Variants in ZWINT observed in about 807,000 individuals in gnomAD.
ZWINT encodes the protein outer kinetochore KNL1 complex subunit ZWINT.
Under a neutral mutation model 41.5 loss-of-function variants are expected in ZWINT, and 41 were observed. The ratio of observed to expected loss-of-function variants is 0.99; its 90% confidence interval spans 0.77 to 1.28. The LOEUF (loss-of-function observed/expected upper bound fraction) is 1.28, where lower values mean the gene tolerates loss of function less well. Among genes scored for constraint, ZWINT ranks in the 50% most tolerant of loss-of-function variants. The pLI, the probability that ZWINT is intolerant of heterozygous loss-of-function variation, is 0.00. For missense variants in ZWINT, 369 were observed against 329.7 expected (o/e 1.12, Z -0.92); for synonymous variants, 132 against 126.8 (o/e 1.04, Z -0.28).
rs1484073037 is a variant in ZWINT at position 56,358,555 on chromosome 10, C to T, written c.792+1G>A. The T allele has an allele frequency of 6.2e-7, 1 of 1,613,970 alleles. No homozygotes were observed. The highest frequency in any genetic ancestry group is 1.1e-5 in the South Asian group (1 of 91,062). Reference sequence around the variant, plus strand: ...GCCCACCTGTTCCATCTCTCATTTACCTTGAAGGACACACCAGGGTCTCTC... The same window carrying T: ...GCCCACCTGTTCCATCTCTCATTTATCTTGAAGGACACACCAGGGTCTCTC... On this transcript the variant is annotated splice_donor_variant, in intron 7 of 8. Coordinates refer to ENST00000373944, the MANE Select transcript of ZWINT (RefSeq NM_007057.4). LOFTEE classifies it high-confidence loss of function.
Position 56,358,178 on chromosome 10 carries a change from T to G in ZWINT, c.*49A>C, listed in dbSNP as rs1395735201. ...AATGATGGTTGGGAGGTGAGGGAAGTCAGAGGCCTGGGGAAGAAGACAGGG... is the reference window on the plus strand; with the variant it reads ...AATGATGGTTGGGAGGTGAGGGAAGGCAGAGGCCTGGGGAAGAAGACAGGG... On this transcript the variant is annotated 3_prime_UTR_variant, in exon 9 of 9. Coordinates refer to ENST00000373944, the MANE Select transcript of ZWINT (RefSeq NM_007057.4). The G allele has an allele frequency of 1.3e-6, 1 of 748,024 alleles. No homozygotes were observed. The highest frequency in any genetic ancestry group is 2.6e-5 in the East Asian group (1 of 38,382). The allele number at this position is 748,024 out of a possible 1,614,324, so 46.3% of individuals were successfully genotyped here. A position where few individuals can be genotyped will look rare whatever the true frequency, so the allele number is the denominator to read the frequency against.
At position 56,357,512 on chromosome 10, in the gene ZWINT, G is replaced by C. The variant is rs180800196; in HGVS notation, c.*715C>G. 16 of 152,856 alleles carry C rather than the reference G, an allele frequency of 1.0e-4. No homozygotes were observed. Among genetic ancestry groups the C allele is most frequent in the African/African-American group, 3.4e-4 (14 of 41,556 alleles). 9.5% of individuals were successfully genotyped at this position (152,856 alleles called of 1,614,324 possible). On this transcript the variant is annotated 3_prime_UTR_variant, in exon 9 of 9. Coordinates refer to ENST00000373944, the MANE Select transcript of ZWINT (RefSeq NM_007057.4). ...TACGTGAGTTGATCATCTGATAAAA[G>C]TAAGAGTTGACAAAAAAGGTACATC...
Position 56,360,352 on chromosome 10 carries a change from G to T in ZWINT, c.73C>A (p.Pro25Thr). ...VLAEVAGILEPVGLQEEAELP... is the reference protein window; with the variant it reads ...VLAEVAGILETVGLQEEAELP... ...TCTGCCTCCTCCTGCAGGCCTACAG[G>T]TTCCAAGATGCCTGCCACCTCAGCC... Residue 25 changes from proline (P) to threonine (T), a missense_variant, in exon 2 of 9, where the codon CCT becomes ACT. Pro to Thr is a conservative substitution (Grantham distance 38). Transcript: ENST00000373944. 6.8e-6 allele frequency: 11 copies of T among 1,614,178 alleles called. No individual in the cohort carries two copies. The highest frequency in any genetic ancestry group is 9.3e-6 in the Non-Finnish European group (11 of 1,180,036).
Position 56,357,352 on chromosome 10 carries a change from G to T in ZWINT, c.*875C>A, listed in dbSNP as rs1206853420. ...ATAGAAGACCAAATTATTTTTCAAA[G>T]AAATTTATGAATCAATGAAATAATT... On this transcript the variant is annotated 3_prime_UTR_variant, in exon 9 of 9. Transcript: ENST00000373944. 6.6e-6 allele frequency: 1 copy of T among 151,982 alleles called. No homozygotes were observed. Among genetic ancestry groups the T allele is most frequent in the Admixed American group, 6.5e-5 (1 of 15,270 alleles). 9.4% of individuals were successfully genotyped at this position (151,982 alleles called of 1,614,324 possible).
chr10:56,360,528 C>G, intron 1 of ZWINT, 145 bp from the exon 2 acceptor site: 1 of 702,668 alleles, frequency 1.4e-6, no homozygotes, highest in East Asian at 2.7e-5. Context: ...ACACAAGGGC[C>G]TGAAGGGTCC....
chr10:56,358,270 C>T lies in ZWINT; in HGVS notation c.*42-85G>A. Reference sequence around the variant, plus strand: ...TAAGCTCTTTCCTGTTCCCACCATCCATCTGCTCCATGGGTAGCAGAGCTC... The same window carrying T: ...TAAGCTCTTTCCTGTTCCCACCATCTATCTGCTCCATGGGTAGCAGAGCTC... On this transcript the variant is annotated intron_variant, in intron 8 of 8. Transcript: ENST00000373944. 4 of 954,794 alleles carry T rather than the reference C, an allele frequency of 4.2e-6. No individual in the cohort carries two copies. In the Admixed American group the frequency reaches 6.8e-5, roughly 16 times the overall value. 59.1% of individuals were successfully genotyped at this position (954,794 alleles called of 1,614,324 possible). A position where few individuals can be genotyped will look rare whatever the true frequency, so the allele number is the denominator to read the frequency against.
In ZWINT at chr10:56,358,119, C is replaced by G. The variant is rs1838213894; in HGVS notation, c.*108G>C. 1.5e-6 allele frequency: 1 copy of G among 673,238 alleles called. No individual in the cohort carries two copies. Among genetic ancestry groups the G allele is most frequent in the Admixed American group, 1.8e-5 (1 of 55,716 alleles). The allele number at this position is 673,238 out of a possible 1,614,324, so 41.7% of individuals were successfully genotyped here. ...AGCTTGCTGGGATGTAGTCAGAAAT[C>G]AAGCTGAACTCAGGAGTTCACAGTC... On this transcript the variant is annotated 3_prime_UTR_variant, in exon 9 of 9. Transcript: ENST00000373944.
Position 56,358,158 on chromosome 10 carries a change from T to C in ZWINT, c.*69A>G. 1 of 725,518 alleles carries C rather than the reference T, an allele frequency of 1.4e-6. No individual in the cohort carries two copies. The highest frequency in any genetic ancestry group is 2.6e-6 in the Non-Finnish European group (1 of 383,778). The allele number at this position is 725,518 out of a possible 1,614,324, so 44.9% of individuals were successfully genotyped here. A position where few individuals can be genotyped will look rare whatever the true frequency, so the allele number is the denominator to read the frequency against. ...GAGTTCACAGTCTTTCCTGTAATGA[T>C]GGTTGGGAGGTGAGGGAAGTCAGAG... is the stretch of plus-strand genomic sequence containing the variant. On this transcript the variant is annotated 3_prime_UTR_variant, in exon 9 of 9. Transcript: ENST00000373944.
chr10:56,360,991 C>G (rs148901156), intron 1 of ZWINT, among the ~76,000 whole-genome samples: 266 of 152,150 alleles, frequency 1.7e-3, no homozygotes, highest in African/African-American at 4.9e-3. Flanking sequence ...ATGTGGGGAG[C>G]GGCGAACGGT....
chr10:56,359,005 C>T (rs1838249921), intron 5 of ZWINT, 58 bp from the exon 6 acceptor site: 1 of 1,585,456 alleles, frequency 6.3e-7, no homozygotes, highest in Non-Finnish European at 8.6e-7. Context: ...TAGAAACTCC[C>T]TCCAACCCCT....
In ZWINT at chr10:56,360,045, C is replaced by T. The variant is rs760615444; in HGVS notation, c.229G>A (p.Asp77Asn). The change falls in exon 3 of 9, where the codon GAC (aspartate) becomes AAC (asparagine). Residue 77 changes from aspartate to asparagine, a missense_variant. By Grantham distance (23) the Asp-to-Asn change is conservative. Transcript: ENST00000373944. ...CTCGTGTCTTCAGAAGCCAAGGGGT[C>T]GAGACCCTTAGCAGTGTCCTCCTGA... Reference protein sequence around the residue: ...LAQEDTAKGLDPLASEDTSRQ... With the variant: ...LAQEDTAKGLNPLASEDTSRQ... The T allele has an allele frequency of 1.2e-5, 20 of 1,614,050 alleles. No homozygotes were observed. The highest frequency in any genetic ancestry group is 2.2e-5 in the East Asian group (1 of 44,886).
chr10:56,358,169 T>C lies in ZWINT; in HGVS notation c.*58A>G, dbSNP rs1464152400. 1.4e-6 allele frequency: 1 copy of C among 738,682 alleles called. No individual in the cohort carries two copies. Among genetic ancestry groups the C allele is most frequent in the Non-Finnish European group, 2.5e-6 (1 of 392,502 alleles). The allele number at this position is 738,682 out of a possible 1,614,324, so 45.8% of individuals were successfully genotyped here. A position where few individuals can be genotyped will look rare whatever the true frequency, so the allele number is the denominator to read the frequency against. Reference sequence around the variant, plus strand: ...CTTTCCTGTAATGATGGTTGGGAGGTGAGGGAAGTCAGAGGCCTGGGGAAG... The same window carrying C: ...CTTTCCTGTAATGATGGTTGGGAGGCGAGGGAAGTCAGAGGCCTGGGGAAG... On this transcript the variant is annotated 3_prime_UTR_variant, in exon 9 of 9. Coordinates refer to ENST00000373944, the MANE Select transcript of ZWINT (RefSeq NM_007057.4).
At chr10:56,359,082 G>C in intron 5 of ZWINT, 135 bp from the exon 6 acceptor site, 1 of 1,101,836 alleles carries the variant, frequency 9.1e-7, no homozygotes, top group Non-Finnish European at 1.3e-6. Context: ...ACTTCAGGGT[G>C]GAGTAGGGGC....
In ZWINT at chr10:56,360,158, CAG is replaced by C; in HGVS notation, c.133-19_133-18del. 6.2e-7 allele frequency: 1 copy of C among 1,613,556 alleles called. No individual in the cohort carries two copies. The highest frequency in any genetic ancestry group is 8.5e-7 in the Non-Finnish European group (1 of 1,179,944). On this transcript the variant is annotated intron_variant, in intron 2 of 8. Transcript: ENST00000373944. ...CTGAGAGTCCTGCTCAGAGGGAGGG[CAG>C]AGACAGGGAACATCCTTACCTCCTT...
At position 56,357,504 on chromosome 10, in the gene ZWINT, T is replaced by G. The variant is rs1223886298; in HGVS notation, c.*723A>C. 2 of 152,592 alleles carry G rather than the reference T, an allele frequency of 1.3e-5. No individual in the cohort carries two copies. The highest frequency in any genetic ancestry group is 2.9e-5 in the Non-Finnish European group (2 of 68,326). The allele number at this position is 152,592 out of a possible 1,614,324, so 9.5% of individuals were successfully genotyped here. ...GATCCAAATACGTGAGTTGATCATC[T>G]GATAAAAGTAAGAGTTGACAAAAAA... On this transcript the variant is annotated 3_prime_UTR_variant, in exon 9 of 9. Coordinates refer to ENST00000373944, the MANE Select transcript of ZWINT (RefSeq NM_007057.4).
intron 5 of ZWINT, among the ~76,000 whole-genome samples, chr10:56,359,162 G>C (rs1198464636): frequency 6.6e-6 from 1 of 152,132 alleles, no homozygotes; most frequent in Non-Finnish European, 1.5e-5. Context: ...GGGCACAAAG[G>C]TGATAACACT....
intron 1 of ZWINT, among the ~76,000 whole-genome samples, chr10:56,360,589 G>A (rs1250212613): frequency 1.3e-5 from 2 of 152,204 alleles, no homozygotes; most frequent in Non-Finnish European, 2.9e-5. Flanking sequence ...GTGGTAATAC[G>A]TGCCAAAAGG....
chr10:56,360,167 G>A (rs1232139469), intron 2 of ZWINT, 26 bp from the exon 3 acceptor site: 2 of 1,613,348 alleles, frequency 1.2e-6, no homozygotes, highest in Non-Finnish European at 1.7e-6. Flanking sequence ...GCAGAGACAG[G>A]GAACATCCTT....
In ZWINT at chr10:56,357,263, CAA is replaced by C. The variant is rs949689426; in HGVS notation, c.*962_*963del. ...AAAAGATAATTCACTCACCAAATTT[CAA>C]AGTTTATTAAACAGATGATATTCTC... On this transcript the variant is annotated 3_prime_UTR_variant, in exon 9 of 9. Transcript: ENST00000373944. The C allele has an allele frequency of 1.3e-5, 2 of 151,988 alleles. No homozygotes were observed. Among genetic ancestry groups the C allele is most frequent in the African/African-American group, 4.8e-5 (2 of 41,404 alleles). 9.4% of individuals were successfully genotyped at this position (151,988 alleles called of 1,614,324 possible). A position where few individuals can be genotyped will look rare whatever the true frequency, so the allele number is the denominator to read the frequency against.
Sources: allele counts gnomAD v4.1 joint callset (sites outside exome capture counted in the v4.1 genomes callset), GRCh38; gene constraint gnomAD v4.1.1; transcripts MANE v1.5; gene names NCBI Gene and HGNC (gene_info 2026-07-23, HGNC 2026-07-21).